TRAPPC12: variants seen among roughly 807,000 people sequenced by gnomAD.
TRAPPC12 encodes the protein TPR repeat protein 15.
A neutral mutation model predicts 69.2 loss-of-function variants in TRAPPC12; 61 were observed. The ratio of observed to expected loss-of-function variants is 0.88; its 90% CI spans 0.72 to 1.09. The LOEUF (loss-of-function observed/expected upper bound fraction) is 1.09, where lower values mean the gene tolerates loss of function less well. Ranked by LOEUF, TRAPPC12 falls within the 50% of genes least tolerant of loss-of-function variation. The pLI is 0.00. For synonymous variants in TRAPPC12, 469 were observed against 438.9 expected (o/e 1.07, Z -0.86); for missense variants, 1,101 against 1,016.4 (o/e 1.08, Z -1.13).
intron 6 of TRAPPC12, 79 bp from the exon 7 acceptor site, chr2:3,457,542 A>G (rs1665223706): frequency 9.7e-6 from 11 of 1,136,246 alleles, no homozygotes; most frequent in Admixed American, 1.9e-5. Context: ...AATTTGCTGT[A>G]CTGAGATTAT....
intron 6 of TRAPPC12, chr2:3,449,382 C>T (rs1474303834): frequency 1.3e-5 from 2 of 152,536 alleles, no homozygotes; most frequent in African/African-American, 2.4e-5. Flanking sequence ...CCTGCAGTTC[C>T]GCAGCCTCCG....
chr2:3,412,086 G>A (rs1052342799), intron 3 of TRAPPC12, among the ~76,000 whole-genome samples: 1 of 152,154 alleles, frequency 6.6e-6, no homozygotes, highest in African/African-American at 2.4e-5. Flanking sequence ...CTGTCTTCTT[G>A]TAGTGCTATG....
At chr2:3,383,612 G>A (rs757424106) in intron 1 of TRAPPC12, among the ~76,000 whole-genome samples, 17 of 151,386 alleles carry the variant, frequency 1.1e-4, no homozygotes, top group Admixed American at 4.6e-4. Context: ...TTACCATGTC[G>A]GCCAGGCTCA....
intron 9 of TRAPPC12, among the ~76,000 whole-genome samples, chr2:3,468,613 C>T (rs979476651): frequency 3.0e-4 from 46 of 152,080 alleles, no homozygotes; most frequent in African/African-American, 1.1e-3. Flanking sequence ...AGTGTAAGGG[C>T]GGCATTCCCA....
At chr2:3,402,123 C>A (rs147688059) in intron 3 of TRAPPC12, among the ~76,000 whole-genome samples, 69 of 152,290 alleles carry the variant, frequency 4.5e-4, no homozygotes, top group African/African-American at 1.6e-3. Context: ...GATCAAATTA[C>A]TCAAAGCAGT....
intron 9 of TRAPPC12, among the ~76,000 whole-genome samples, chr2:3,469,727 C>T (rs909041545): frequency 1.3e-5 from 2 of 152,174 alleles, no homozygotes; most frequent in African/African-American, 2.4e-5. Context: ...GCCCAGGCTG[C>T]GGGGTTGCCC....
Position 3,388,200 on chromosome 2 carries a change from G to A in TRAPPC12, c.577G>A (p.Ala193Thr). 1 of 1,609,332 alleles carries A rather than the reference G, an allele frequency of 6.2e-7. No individual in the cohort carries two copies. The highest frequency in any genetic ancestry group is 8.5e-7 in the Non-Finnish European group (1 of 1,177,974). Reference protein sequence around the residue: ...PSFGGASEASARTPPQVVQPS... With the variant: ...PSFGGASEASTRTPPQVVQPS... ...CTTCGGTGGCGCCAGCGAGGCCTCGGCCAGGACACCGCCCCAGGTCGTGCA... is the reference window on the plus strand; with the variant it reads ...CTTCGGTGGCGCCAGCGAGGCCTCGACCAGGACACCGCCCCAGGTCGTGCA... Residue 193 changes from alanine to threonine, a missense_variant, in exon 2 of 12, where the codon GCC becomes ACC. Physicochemically the swap from Ala to Thr is moderately conservative, Grantham distance 58. Coordinates refer to ENST00000324266, the MANE Select transcript of TRAPPC12 (RefSeq NM_016030.6).
chr2:3,478,860 T>G lies in TRAPPC12; in HGVS notation c.1892T>G (p.Leu631Arg), dbSNP rs761982198. ...MVLMNSAFLH[L>R]GQNNFAEAHR... is the part of the protein sequence containing the mutation. ...TTGTGTTACAGCGCGTTCCTTCACC[T>G]CGGGCAGAATAACTTTGCAGAAGCC... The change falls in exon 11 of 12, where the codon CTC becomes CGC. Residue 631 changes from leucine to arginine, a missense_variant. Coordinates refer to ENST00000324266, the MANE Select transcript of TRAPPC12 (RefSeq NM_016030.6). 2 of 1,614,088 alleles carry G rather than the reference T, an allele frequency of 1.2e-6. No individual in the cohort carries two copies. The highest frequency in any genetic ancestry group is 2.2e-5 in the South Asian group (2 of 91,078).
At chr2:3,467,293 C>G (rs1235640184) in intron 9 of TRAPPC12, 1 of 152,148 alleles carries the variant, frequency 6.6e-6, no homozygotes. Flanking sequence ...GACGGAAGCA[C>G]CCAGGCCGAC....
chr2:3,391,769 G>A (rs1191359737), intron 2 of TRAPPC12, among the ~76,000 whole-genome samples: 1 of 151,966 alleles, frequency 6.6e-6, no homozygotes, highest in Non-Finnish European at 1.5e-5. Context: ...CCCACTCCCT[G>A]GTCTTGTCTC....
intron 5 of TRAPPC12, among the ~76,000 whole-genome samples, chr2:3,433,117 C>T (rs1663534670): frequency 6.6e-6 from 1 of 152,138 alleles, no homozygotes; most frequent in Non-Finnish European, 1.5e-5. Flanking sequence ...GTAAGTGTGA[C>T]ACTGTGTGCT....
chr2:3,393,205 CTA>C (rs1660923185), intron 2 of TRAPPC12, among the ~76,000 whole-genome samples: 1 of 152,096 alleles, frequency 6.6e-6, no homozygotes. Context: ...CCATTTGTGA[CTA>C]TATGCATGCA....
chr2:3,384,811 A>C (rs1660420701), intron 1 of TRAPPC12, among the ~76,000 whole-genome samples: 1 of 152,194 alleles, frequency 6.6e-6, no homozygotes, highest in African/African-American at 2.4e-5. Flanking sequence ...CTCTGCAAGA[A>C]TTTTTGTACT....
At chr2:3,428,964 C>G (rs892533041) in intron 5 of TRAPPC12, among the ~76,000 whole-genome samples, 1 of 152,216 alleles carries the variant, frequency 6.6e-6, no homozygotes, top group Non-Finnish European at 1.5e-5. Context: ...GCATTCGTTG[C>G]TTCTTCCCCT....
intron 1 of TRAPPC12, 81 bp downstream of exon 1, chr2:3,379,957 C>T (rs892053370): frequency 2.0e-5 from 3 of 152,606 alleles, no homozygotes; most frequent in Admixed American, 1.3e-4. Flanking sequence ...TGGCTTTGGC[C>T]TCAGCCCGGA....
intron 9 of TRAPPC12, among the ~76,000 whole-genome samples, chr2:3,472,994 C>T (rs1243233410): frequency 1.3e-5 from 2 of 152,158 alleles, no homozygotes; most frequent in African/African-American, 4.8e-5. Flanking sequence ...GCTAAGACAC[C>T]GAGGGCGGGG....
intron 5 of TRAPPC12, among the ~76,000 whole-genome samples, chr2:3,430,119 T>G (rs897433352): frequency 1.4e-5 from 2 of 147,142 alleles, no homozygotes; most frequent in Non-Finnish European, 3.0e-5. Flanking sequence ...TTCATTTGCT[T>G]TTTTTTCCCC....
intron 9 of TRAPPC12, among the ~76,000 whole-genome samples, chr2:3,466,609 T>G (rs1177361665): frequency 6.6e-6 from 1 of 152,158 alleles, no homozygotes; most frequent in Non-Finnish European, 1.5e-5. Flanking sequence ...TGCTCACACA[T>G]GCACTGACAC....
At chr2:3,437,692 TC>T (rs1161517812) in intron 5 of TRAPPC12, among the ~76,000 whole-genome samples, 1 of 7,534 alleles carries the variant, frequency 1.3e-4, no homozygotes. Flanking sequence ...CCTGGATTAA[TC>T]CCCCCATCAC....
Sources: allele counts gnomAD v4.1 joint callset (sites outside exome capture counted in the v4.1 genomes callset), GRCh38; gene constraint gnomAD v4.1.1; transcripts MANE v1.5; gene names NCBI Gene and HGNC (gene_info 2026-07-23, HGNC 2026-07-21).